The following CSMD3 variants were observed in gnomAD, a reference collection of about 807,000 sequenced individuals.
CSMD3 encodes CUB and Sushi multiple domains 3, also known as CUB and sushi domain-containing protein 3.
A neutral mutation model predicts 435.2 loss-of-function variants in CSMD3; 177 were observed. That is an observed-to-expected ratio of 0.41 (90% CI 0.36 to 0.46). The LOEUF is 0.46. CSMD3 is among the 20% of genes least tolerant of loss of function. The probability of loss-of-function intolerance (pLI) is 0.34; values close to 1 mark genes in which losing one functional copy is unlikely to be tolerated. For missense variants in CSMD3, 4,265 were observed against 4,504.6 expected (o/e 0.95, Z 1.52); for synonymous variants, 1,656 against 1,520.5 (o/e 1.09, Z -2.07).
In CSMD3 at chr8:112,261,446, G is replaced by A. The variant is rs1449767452; in HGVS notation, c.9862+2193C>T. ...CATCCCTTTTCTTAGGCCCAGGGTA[G>A]CATACTTTGTGTCATCCTAAATTCT... On this transcript the variant is annotated intron_variant, in intron 61 of 70. Transcript: ENST00000297405. Among the ~76,000 whole-genome samples, 6 of 151,900 alleles carry A rather than the reference G, an allele frequency of 3.9e-5. No homozygotes were observed. In the East Asian group the frequency reaches 9.7e-4, roughly 24 times the overall value.
At chr8:112,431,239 A>G (rs1226600905) in intron 32 of CSMD3, among the ~76,000 whole-genome samples, 3 of 152,106 alleles carry the variant, frequency 2.0e-5, no homozygotes, top group Non-Finnish European at 2.9e-5. Flanking sequence ...AGATTCTACT[A>G]CTAAATATAA....
chr8:112,361,609 A>T (rs1035033307), intron 38 of CSMD3, among the ~76,000 whole-genome samples: 6 of 87,628 alleles, frequency 6.8e-5, no homozygotes, highest in African/African-American at 2.0e-4. Flanking sequence ...ATATATATAT[A>T]TATATATATA....
chr8:112,903,886 G>C (rs916657722), intron 10 of CSMD3, among the ~76,000 whole-genome samples: 3 of 151,360 alleles, frequency 2.0e-5, no homozygotes. Context: ...CAACTTTCTA[G>C]TTGGATGTAC....
At position 112,973,653 on chromosome 8, in the gene CSMD3, A is replaced by AACTAAG. The variant is rs149477459; in HGVS notation, c.1342+2178_1342+2183dup. On this transcript the variant is annotated intron_variant, in intron 7 of 70. Transcript: ENST00000297405. ...ATCAAGTCTTAGAAGATAGTTTCAT[A>AACTAAG]ACTAAGAGCATAGCTATATTTTGAG... Among the ~76,000 whole-genome samples, 1,248 of 151,932 alleles carry AACTAAG rather than the reference A, an allele frequency of 8.2e-3. 27 individuals carry two copies. Among genetic ancestry groups the AACTAAG allele is most frequent in the African/African-American group, 0.028 (1,180 of 41,524 alleles).
intron 1 of CSMD3, among the ~76,000 whole-genome samples, chr8:113,346,485 T>C (rs2094152015): frequency 6.6e-6 from 1 of 152,128 alleles, no homozygotes; most frequent in African/African-American, 2.4e-5. Flanking sequence ...CTGACTGTGG[T>C]AAAAACTAGC....
intron 1 of CSMD3, among the ~76,000 whole-genome samples, chr8:113,424,009 T>A (rs967025267): frequency 6.6e-6 from 1 of 151,810 alleles, no homozygotes; most frequent in Non-Finnish European, 1.5e-5. Flanking sequence ...AGACATTAAA[T>A]CTGGTTTCTT....
chr8:113,431,034 T>C (rs1318796712), intron 1 of CSMD3, among the ~76,000 whole-genome samples: 3 of 152,170 alleles, frequency 2.0e-5, no homozygotes, highest in Non-Finnish European at 2.9e-5. Context: ...GATTTTTCTC[T>C]GTGATACTTT....
intron 30 of CSMD3, among the ~76,000 whole-genome samples, chr8:112,502,598 G>C (rs148411386): frequency 6.6e-6 from 1 of 152,120 alleles, no homozygotes; most frequent in South Asian, 2.1e-4. Flanking sequence ...GACCTCTTAC[G>C]ATAGCCCTGA....
At chr8:112,993,591 G>T (rs1018562991) in intron 6 of CSMD3, among the ~76,000 whole-genome samples, 4 of 151,740 alleles carry the variant, frequency 2.6e-5, no homozygotes, top group African/African-American at 9.7e-5. Context: ...AATCATATAA[G>T]GTCTTCTTTT....
intron 9 of CSMD3, among the ~76,000 whole-genome samples, chr8:112,933,821 A>G (rs1401498973): frequency 6.6e-6 from 1 of 152,042 alleles, no homozygotes; most frequent in Non-Finnish European, 1.5e-5. Flanking sequence ...TTGCCGTGGG[A>G]ATAGAAAGTT....
At chr8:112,804,840 T>A (rs1387838471) in intron 12 of CSMD3, among the ~76,000 whole-genome samples, 1 of 152,082 alleles carries the variant, frequency 6.6e-6, no homozygotes, top group South Asian at 2.1e-4. Flanking sequence ...AATTTTTGTA[T>A]TTTTAGTAGA....
chr8:113,261,110 C>G (rs1340476376), intron 3 of CSMD3, among the ~76,000 whole-genome samples: 1 of 152,048 alleles, frequency 6.6e-6, no homozygotes, highest in Admixed American at 6.6e-5. Context: ...GAAGTACATA[C>G]AGATGGGCCG....
intron 10 of CSMD3, among the ~76,000 whole-genome samples, chr8:112,865,788 T>G (rs2080964645): frequency 6.6e-6 from 1 of 151,794 alleles, no homozygotes; most frequent in Non-Finnish European, 1.5e-5. Context: ...AGCAAGAACT[T>G]GGTTTTGTTT....
intron 10 of CSMD3, among the ~76,000 whole-genome samples, chr8:112,906,418 G>A (rs376082882): frequency 7.9e-5 from 12 of 151,278 alleles, no homozygotes; most frequent in African/African-American, 2.9e-4. Context: ...CTCTATAAAA[G>A]CTGAGAACCC....
intron 18 of CSMD3, among the ~76,000 whole-genome samples, chr8:112,655,323 C>T (rs1024130807): frequency 1.3e-5 from 2 of 151,416 alleles, no homozygotes; most frequent in South Asian, 4.2e-4. Flanking sequence ...TTTTAATAAC[C>T]CTCTTAAGTG....
At chr8:112,971,291 A>C (rs2084647128) in intron 7 of CSMD3, among the ~76,000 whole-genome samples, 1 of 152,170 alleles carries the variant, frequency 6.6e-6, no homozygotes, top group Admixed American at 6.5e-5. Flanking sequence ...GAATAAAATG[A>C]AAATAACAAC....
Position 112,292,715 on chromosome 8 carries a change from T to C in CSMD3, c.8615-5A>G, listed in dbSNP as rs1363748986. The C allele has an allele frequency of 6.2e-7, 1 of 1,613,138 alleles. No individual in the cohort carries two copies. The highest frequency in any genetic ancestry group is 1.3e-5 in the African/African-American group (1 of 74,902). On this transcript the variant is annotated splice_polypyrimidine_tract_variant and splice_region_variant and intron_variant, in intron 54 of 70. Transcript: ENST00000297405. ...CAGGGTGACCACAGCTAACAGCTAA[T>C]AAGATGTGGCAGGAGGACAGGGAAG...
chr8:113,291,585 G>C (rs1399911249), intron 2 of CSMD3, among the ~76,000 whole-genome samples: 1 of 151,770 alleles, frequency 6.6e-6, no homozygotes, highest in Admixed American at 6.6e-5. Context: ...GGATTCCTTT[G>C]AGAGCATCTC....
chr8:112,868,598 G>T (rs2081049110), intron 10 of CSMD3, among the ~76,000 whole-genome samples: 1 of 152,004 alleles, frequency 6.6e-6, no homozygotes, highest in African/African-American at 2.4e-5. Flanking sequence ...GATTGTATAT[G>T]TTACACATGA....
Sources: allele counts gnomAD v4.1 joint callset (sites outside exome capture counted in the v4.1 genomes callset), GRCh38; gene constraint gnomAD v4.1.1; transcripts MANE v1.5; gene names NCBI Gene and HGNC (gene_info 2026-07-23, HGNC 2026-07-21).